The following TPH2 variants were observed in gnomAD, a reference collection of about 807,000 sequenced individuals.
The protein encoded by TPH2 is tryptophan 5-hydroxylase 2.
A neutral mutation model predicts 59.1 loss-of-function variants in TPH2; 27 were observed. The observed-to-expected ratio is 0.46, with a 90% CI of 0.34 to 0.63. The LOEUF is 0.63. Among genes scored for constraint, TPH2 ranks in the 30% least tolerant of loss-of-function variants. The pLI, the probability that TPH2 is intolerant of heterozygous loss-of-function variation, is 0.01. For synonymous variants in TPH2, 220 were observed against 210.5 expected (o/e 1.05, Z -0.39); for missense variants, 523 against 588.3 (o/e 0.89, Z 1.15).
intron 5 of TPH2, among the ~76,000 whole-genome samples, chr12:71,971,357 G>A (rs1191356026): frequency 6.6e-6 from 1 of 152,188 alleles, no homozygotes; most frequent in Non-Finnish European, 1.5e-5. Context: ...GGCCAGGGTG[G>A]GAAGTGAGGG....
intron 6 of TPH2, among the ~76,000 whole-genome samples, chr12:71,975,887 T>C (rs1872104632): frequency 6.6e-6 from 1 of 152,264 alleles, no homozygotes; most frequent in Admixed American, 6.5e-5. Context: ...CACAGAGCTA[T>C]ATGCATATTA....
At chr12:71,943,388 G>C (rs1429999999) in intron 2 of TPH2, among the ~76,000 whole-genome samples, 1 of 152,108 alleles carries the variant, frequency 6.6e-6, no homozygotes, top group Non-Finnish European at 1.5e-5. Context: ...TTATTTGTAG[G>C]TGGGTTGGGA....
chr12:72,015,320 T>TA (rs1345378726), intron 8 of TPH2, among the ~76,000 whole-genome samples: 2 of 139,444 alleles, frequency 1.4e-5, no homozygotes, highest in Non-Finnish European at 3.1e-5. Flanking sequence ...TGGTTGTTTT[T>TA]TTTTTTTTTT....
intron 9 of TPH2, among the ~76,000 whole-genome samples, chr12:72,026,637 T>C (rs927450231): frequency 6.6e-6 from 1 of 152,202 alleles, no homozygotes; most frequent in African/African-American, 2.4e-5. Context: ...TCCTGCTCTT[T>C]CTTCTCATGA....
chr12:71,962,307 T>C (rs1438814882), intron 5 of TPH2: 2 of 985,360 alleles, frequency 2.0e-6, no homozygotes, highest in South Asian at 4.7e-5. Context: ...GGAAATGTTT[T>C]TGAAGTTCAT....
intron 5 of TPH2, among the ~76,000 whole-genome samples, chr12:71,972,161 G>A (rs531102848): frequency 6.6e-6 from 1 of 152,288 alleles, no homozygotes; most frequent in East Asian, 1.9e-4. Context: ...TATTACTGTT[G>A]TTAGGTGTTT....
At chr12:71,980,260 C>T (rs984833293) in intron 7 of TPH2, among the ~76,000 whole-genome samples, 25 of 152,174 alleles carry the variant, frequency 1.6e-4, no homozygotes, top group African/African-American at 5.8e-4. Flanking sequence ...AATCTTACCC[C>T]ACTGTTCTTC....
At chr12:71,956,238 A>G (rs1359680054) in intron 5 of TPH2, among the ~76,000 whole-genome samples, 1 of 152,188 alleles carries the variant, frequency 6.6e-6, no homozygotes, top group African/African-American at 2.4e-5. Flanking sequence ...ATAACCTAGC[A>G]TTGGAAGTGA....
At chr12:71,962,413 T>C (rs1871711551) in intron 5 of TPH2, 13 of 985,440 alleles carry the variant, frequency 1.3e-5, no homozygotes, top group Non-Finnish European at 1.6e-5. Flanking sequence ...TCTTTCCTGG[T>C]GAAAATTTTG....
chr12:71,981,409 TG>T (rs1393750153), intron 7 of TPH2, among the ~76,000 whole-genome samples: 2 of 152,034 alleles, frequency 1.3e-5, no homozygotes, highest in South Asian at 2.1e-4. Context: ...GAAAAATGAC[TG>T]GGGGTGAGGG....
At chr12:71,980,707 T>C in intron 7 of TPH2, among the ~76,000 whole-genome samples, 1 of 152,132 alleles carries the variant, frequency 6.6e-6, no homozygotes, top group Non-Finnish European at 1.5e-5. Flanking sequence ...AGAAGGCACT[T>C]TGTTAGTTCC....
chr12:71,991,248 C>CT (rs1872574418), intron 7 of TPH2, among the ~76,000 whole-genome samples: 2 of 152,208 alleles, frequency 1.3e-5, no homozygotes, highest in Admixed American at 6.5e-5. Flanking sequence ...CCATTAGTGT[C>CT]TAAGTAGACA....
At chr12:71,997,649 C>T (rs528076764) in intron 8 of TPH2, among the ~76,000 whole-genome samples, 12 of 152,116 alleles carry the variant, frequency 7.9e-5, no homozygotes, top group Admixed American at 3.3e-4. Context: ...CTCTCCCTCT[C>T]TCTTTTATTG....
intron 6 of TPH2, 108 bp downstream of exon 6, chr12:71,972,823 TA>T (rs1872011586): frequency 1.6e-6 from 2 of 1,238,608 alleles, no homozygotes; most frequent in African/African-American, 3.0e-5. Context: ...AACAGTGATT[TA>T]AAAAATTGTT....
At chr12:71,947,960 C>T (rs911324893) in intron 4 of TPH2, among the ~76,000 whole-genome samples, 20 of 152,088 alleles carry the variant, frequency 1.3e-4, no homozygotes, top group Admixed American at 1.0e-3. Context: ...TTTCACAGGA[C>T]GCTTTTCCTT....
intron 5 of TPH2, among the ~76,000 whole-genome samples, chr12:71,951,051 T>C (rs1199250344): frequency 6.6e-6 from 1 of 152,112 alleles, no homozygotes; most frequent in African/African-American, 2.4e-5. Context: ...TCTCCTCTGT[T>C]CTAAGCAGCT....
Position 71,944,440 on chromosome 12 carries a change from G to A in TPH2, c.402G>A (p.Thr134=). 5 of 1,613,976 alleles carry A rather than the reference G, an allele frequency of 3.1e-6. No homozygotes were observed. Among genetic ancestry groups the A allele is most frequent in the Non-Finnish European group, 4.2e-6 (5 of 1,179,884 alleles). Residue 134 remains threonine, a synonymous_variant, in exon 3 of 11, where the codon ACG becomes ACA. Transcript: ENST00000333850. ...TGAAATTTCAAACCACTATTGTGACGCTGAATCCTCCAGAGAACATTTGGA... is the reference window on the plus strand; with the variant it reads ...TGAAATTTCAAACCACTATTGTGACACTGAATCCTCCAGAGAACATTTGGA... ...QLLKFQTTIV[T]LNPPENIWTE...
chr12:71,946,421 A>C (rs1871199510), intron 4 of TPH2, among the ~76,000 whole-genome samples: 1 of 152,130 alleles, frequency 6.6e-6, no homozygotes, highest in African/African-American at 2.4e-5. Flanking sequence ...GCTGAGAAAA[A>C]ATTTATTCCA....
chr12:71,974,377 CCTTCTGGTGG>C (rs1872057529), intron 6 of TPH2, among the ~76,000 whole-genome samples: 1 of 152,166 alleles, frequency 6.6e-6, no homozygotes, highest in Non-Finnish European at 1.5e-5. Context: ...AGGGCTCATT[CCTTCTGGTGG>C]CTTCTGTGCC....
Sources: gnomAD v4.1 joint callset for allele counts (sites outside exome capture counted in the v4.1 genomes callset) on GRCh38, gnomAD v4.1.1 for gene constraint, MANE v1.5 for transcripts, NCBI Gene and HGNC (gene_info 2026-07-23, HGNC 2026-07-21) for gene names.